Variants in ZNF236 observed in about 807,000 individuals in gnomAD.
ZNF236 encodes zinc finger protein 236, also known as regulated by glucose.
ZNF236 carries 50 observed loss-of-function variants against 191.2 expected under a neutral mutation model. That is an observed-to-expected ratio of 0.26 (90% CI 0.21 to 0.33). ZNF236 has a LOEUF of 0.33. Ranked by LOEUF, ZNF236 falls within the 10% of genes least tolerant of loss-of-function variation. The probability of loss-of-function intolerance (pLI) is 1.00; values close to 1 mark genes in which losing one functional copy is unlikely to be tolerated. For synonymous variants in ZNF236, 907 were observed against 928.8 expected (o/e 0.98, Z 0.43); for missense variants, 1,754 against 2,374.5 (o/e 0.74, Z 5.43).
intron 26 of ZNF236, among the ~76,000 whole-genome samples, chr18:76,939,613 G>GTCA (rs1968081416): frequency 6.6e-6 from 1 of 152,204 alleles, no homozygotes; most frequent in African/African-American, 2.4e-5. Flanking sequence ...CTAACTCAGA[G>GTCA]TCATTTGTCT....
At chr18:76,868,635 G>C in intron 3 of ZNF236, 50 bp from the exon 4 acceptor site, 1 of 1,475,026 alleles carries the variant, frequency 6.8e-7, no homozygotes, top group African/African-American at 1.4e-5. Context: ...TTCTTTGAAG[G>C]AGTGGTTTTG....
intron 1 of ZNF236, among the ~76,000 whole-genome samples, chr18:76,826,883 A>C (rs75263892): frequency 2.6e-5 from 4 of 151,696 alleles, no homozygotes; most frequent in Admixed American, 1.3e-4. Context: ...TGTATTCAAC[A>C]ACTATTTTTT....
chr18:76,862,374 G>A (rs1010175861), intron 3 of ZNF236, among the ~76,000 whole-genome samples: 14 of 152,226 alleles, frequency 9.2e-5, no homozygotes, highest in Admixed American at 6.5e-4. Context: ...CAGCGGAGCC[G>A]AGTACAGCAT....
At chr18:76,965,696 C>A (rs1006492082) in intron 30 of ZNF236, among the ~76,000 whole-genome samples, 1 of 152,206 alleles carries the variant, frequency 6.6e-6, no homozygotes, top group Non-Finnish European at 1.5e-5. Flanking sequence ...TGGCTCCGGG[C>A]TGGTACTAGG....
chr18:76,929,358 G>T (rs375664255), intron 25 of ZNF236, among the ~76,000 whole-genome samples: 61 of 152,160 alleles, frequency 4.0e-4, no homozygotes, highest in South Asian at 3.3e-3. Flanking sequence ...ATTTATATCT[G>T]AATTTTAATG....
At chr18:76,830,478 A>G (rs2093562782) in intron 1 of ZNF236, among the ~76,000 whole-genome samples, 1 of 152,022 alleles carries the variant, frequency 6.6e-6, no homozygotes, top group African/African-American at 2.4e-5. Context: ...TTCCTCTCCT[A>G]CCAGCAGGGG....
chr18:76,967,923 A>C (rs1454515072), intron 30 of ZNF236, among the ~76,000 whole-genome samples: 1 of 152,122 alleles, frequency 6.6e-6, no homozygotes, highest in East Asian at 1.9e-4. Context: ...TATTATGGAA[A>C]TCATGTGTGT....
At chr18:76,901,221 G>A (rs952940713) in intron 11 of ZNF236, among the ~76,000 whole-genome samples, 4 of 152,134 alleles carry the variant, frequency 2.6e-5, no homozygotes, top group Non-Finnish European at 4.4e-5. Flanking sequence ...AGAAAATATA[G>A]ATGACTTGTC....
chr18:76,913,989 A>G, intron 18 of ZNF236, 91 bp downstream of exon 18: 7 of 1,381,736 alleles, frequency 5.1e-6, no homozygotes, highest in Middle Eastern at 2.2e-4. Context: ...TCACCCACTT[A>G]AAGTGTACAA....
At chr18:76,861,427 C>A (rs1008038019) in intron 3 of ZNF236, among the ~76,000 whole-genome samples, 6 of 152,144 alleles carry the variant, frequency 3.9e-5, no homozygotes, top group Admixed American at 3.9e-4. Context: ...AGAACGTAGT[C>A]ATCAGGCCAG....
chr18:76,831,612 C>T (rs534349280), intron 1 of ZNF236, among the ~76,000 whole-genome samples: 3 of 152,144 alleles, frequency 2.0e-5, no homozygotes, highest in Non-Finnish European at 2.9e-5. Context: ...TAACAGGCTG[C>T]GAAGCTGTTT....
At chr18:76,930,535 G>A (rs1043620313) in intron 25 of ZNF236, among the ~76,000 whole-genome samples, 3 of 152,146 alleles carry the variant, frequency 2.0e-5, no homozygotes, top group East Asian at 3.8e-4. Flanking sequence ...TGGCATAAAC[G>A]GGTTTTGAAT....
At chr18:76,826,230 G>A (rs1199088125) in intron 1 of ZNF236, among the ~76,000 whole-genome samples, 1 of 151,162 alleles carries the variant, frequency 6.6e-6, no homozygotes, top group Non-Finnish European at 1.5e-5. Flanking sequence ...TCCTGCCTCA[G>A]CCTCCCGAGT....
chr18:76,959,413 T>C lies in ZNF236; in HGVS notation c.5113-274T>C, dbSNP rs377200168. On this transcript the variant is annotated intron_variant, in intron 28 of 30. Coordinates refer to ENST00000320610, the MANE Select transcript of ZNF236 (RefSeq NM_001306089.2). The stretch of plus-strand genomic sequence containing the variant: ...TCGGTTAAAGCTGATGAAGGAGATA[T>C]TTCTACCCCTATTTGGGACACAGAT... 3.2e-4 allele frequency among the ~76,000 whole-genome samples: 49 copies of C among 152,260 alleles called. No homozygotes were observed. The South Asian group carries it at 0.01, about 32-fold the overall frequency.
intron 16 of ZNF236, 60 bp downstream of exon 16, chr18:76,910,871 C>T: frequency 6.4e-7 from 1 of 1,563,316 alleles, no homozygotes; most frequent in Non-Finnish European, 8.7e-7. Flanking sequence ...TGTTATTCTT[C>T]ACTGTCATTA....
intron 1 of ZNF236, among the ~76,000 whole-genome samples, chr18:76,836,505 C>T (rs1975328837): frequency 6.6e-6 from 1 of 152,148 alleles, no homozygotes; most frequent in African/African-American, 2.4e-5. Context: ...TGTGAGCTAC[C>T]ATGCCTGGCC....
chr18:76,906,663 A>G (rs1181233242), intron 13 of ZNF236, among the ~76,000 whole-genome samples: 4 of 152,304 alleles, frequency 2.6e-5, no homozygotes, highest in African/African-American at 7.2e-5. Flanking sequence ...CCCAGTGACC[A>G]ATGCTGTAAT....
intron 20 of ZNF236, among the ~76,000 whole-genome samples, chr18:76,921,257 AAGAG>A (rs2122810044): frequency 6.6e-6 from 1 of 152,210 alleles, no homozygotes; most frequent in East Asian, 1.9e-4. Flanking sequence ...GTCACTGGAG[AAGAG>A]AGAGAGCCCA....
At position 76,893,319 on chromosome 18, in the gene ZNF236, T is replaced by C. The variant is rs184742135; in HGVS notation, c.1418-1694T>C. On this transcript the variant is annotated intron_variant, in intron 9 of 30. Transcript: ENST00000320610. Reference sequence around the variant, plus strand: ...ATTTTTACCTGTTAATTTTAAGCAGTCTTAAATTTTAGATGTCTTTATGCA... The same window carrying C: ...ATTTTTACCTGTTAATTTTAAGCAGCCTTAAATTTTAGATGTCTTTATGCA... Among the ~76,000 whole-genome samples the C allele has an allele frequency of 1.9e-3, 290 of 152,294 alleles. 4 individuals are homozygous for C. The East Asian group carries it at 0.032, about 17-fold the overall frequency.
Sources: gnomAD v4.1 joint callset for allele counts (sites outside exome capture counted in the v4.1 genomes callset) on GRCh38, gnomAD v4.1.1 for gene constraint, MANE v1.5 for transcripts, NCBI Gene and HGNC (gene_info 2026-07-23, HGNC 2026-07-21) for gene names.